KCND2: variants seen among roughly 807,000 people sequenced by gnomAD.
KCND2 encodes potassium voltage-gated channel subfamily D member 2.
Under a neutral mutation model 54.4 loss-of-function variants are expected in KCND2, and 16 were observed. The ratio of observed to expected loss-of-function variants is 0.29; its 90% confidence interval spans 0.20 to 0.45. The LOEUF is 0.45. Among genes scored for constraint, KCND2 ranks in the 20% least tolerant of loss-of-function variants. KCND2 has a pLI of 1.00. For synonymous variants in KCND2, 317 were observed against 310.7 expected (o/e 1.02, Z -0.21); for missense variants, 486 against 824.2 (o/e 0.59, Z 5.02).
intron 1 of KCND2, among the ~76,000 whole-genome samples, chr7:120,578,358 AG>A (rs1408365476): frequency 6.6e-6 from 1 of 152,154 alleles, no homozygotes; most frequent in Non-Finnish European, 1.5e-5. Flanking sequence ...TCCAGAGCAA[AG>A]AAACCCCAAC....
intron 1 of KCND2, among the ~76,000 whole-genome samples, chr7:120,323,443 C>T (rs1220769823): frequency 2.0e-5 from 3 of 150,680 alleles, no homozygotes; most frequent in Non-Finnish European, 4.4e-5. Context: ...TGCTATCCCT[C>T]CCCACTCCCC....
chr7:120,616,867 T>A (rs2116494628), intron 1 of KCND2, among the ~76,000 whole-genome samples: 1 of 152,292 alleles, frequency 6.6e-6, no homozygotes, highest in East Asian at 1.9e-4. Flanking sequence ...TTAGTTACAT[T>A]CAGTTTTCTT....
At chr7:120,283,352 A>G (rs1161457674) in intron 1 of KCND2, among the ~76,000 whole-genome samples, 1 of 152,170 alleles carries the variant, frequency 6.6e-6, no homozygotes, top group Non-Finnish European at 1.5e-5. Flanking sequence ...GAGAGTTGTG[A>G]GCATGGTAGG....
intron 1 of KCND2, among the ~76,000 whole-genome samples, chr7:120,317,617 G>A (rs949920862): frequency 3.3e-5 from 5 of 152,070 alleles, no homozygotes; most frequent in Admixed American, 1.3e-4. Flanking sequence ...TTAAGGATAG[G>A]TTTAGAATAC....
intron 1 of KCND2, among the ~76,000 whole-genome samples, chr7:120,441,032 A>G (rs1202451904): frequency 6.6e-6 from 1 of 152,038 alleles, no homozygotes; most frequent in East Asian, 1.9e-4. Context: ...GAACAATGCA[A>G]GAACACCTCA....
At chr7:120,377,752 C>T (rs759608716) in intron 1 of KCND2, among the ~76,000 whole-genome samples, 1 of 151,926 alleles carries the variant, frequency 6.6e-6, no homozygotes, top group Admixed American at 6.6e-5. Flanking sequence ...TGAATTGTTT[C>T]GTATTTCCAT....
chr7:120,716,651 A>G (rs1390115650), intron 1 of KCND2, among the ~76,000 whole-genome samples: 1 of 152,126 alleles, frequency 6.6e-6, no homozygotes, highest in East Asian at 1.9e-4. Flanking sequence ...AAACTTTTCA[A>G]TAGCCTCAAG....
intron 1 of KCND2, among the ~76,000 whole-genome samples, chr7:120,650,294 T>A (rs1442571228): frequency 1.4e-5 from 2 of 143,254 alleles, no homozygotes; most frequent in African/African-American, 5.5e-5. Flanking sequence ...GTCCCATATT[T>A]CTTGGAGGCT....
intron 1 of KCND2, among the ~76,000 whole-genome samples, chr7:120,309,806 T>C (rs892970887): frequency 6.6e-6 from 1 of 152,132 alleles, no homozygotes; most frequent in Non-Finnish European, 1.5e-5. Flanking sequence ...AAAAACTCTC[T>C]GTATACAATA....
chr7:120,313,740 G>A (rs1185966815), intron 1 of KCND2, among the ~76,000 whole-genome samples: 1 of 64,140 alleles, frequency 1.6e-5, no homozygotes, highest in Non-Finnish European at 4.5e-5. Flanking sequence ...TGTCTCCTGG[G>A]ATTTTTTTTT....
At chr7:120,496,285 G>A (rs371611664) in intron 1 of KCND2, among the ~76,000 whole-genome samples, 1 of 151,952 alleles carries the variant, frequency 6.6e-6, no homozygotes, top group Non-Finnish European at 1.5e-5. Flanking sequence ...TACTCTTTTT[G>A]TGTCTTCCTT....
intron 1 of KCND2, among the ~76,000 whole-genome samples, chr7:120,416,415 TC>T (rs1281001954): frequency 6.6e-6 from 1 of 152,184 alleles, no homozygotes; most frequent in African/African-American, 2.4e-5. Flanking sequence ...AATCACTTCT[TC>T]ATAGCAATCT....
chr7:120,733,113 T>C, intron 2 of KCND2, 48 bp downstream of exon 2: 1 of 1,590,554 alleles, frequency 6.3e-7, no homozygotes, highest in Non-Finnish European at 8.6e-7. Context: ...TCCCACTTTT[T>C]ATAATGAGCT....
intron 1 of KCND2, among the ~76,000 whole-genome samples, chr7:120,433,724 A>G (rs1801827476): frequency 6.6e-6 from 1 of 152,240 alleles, no homozygotes; most frequent in African/African-American, 2.4e-5. Context: ...TGTAGCCATG[A>G]AAAGTGTAAG....
At chr7:120,424,057 A>G (rs1436172410) in intron 1 of KCND2, among the ~76,000 whole-genome samples, 1 of 152,194 alleles carries the variant, frequency 6.6e-6, no homozygotes, top group Non-Finnish European at 1.5e-5. Context: ...GAAAATGGCT[A>G]ATTACTTTGT....
chr7:120,280,208 T>G (rs1229096379), intron 1 of KCND2, among the ~76,000 whole-genome samples: 1 of 152,068 alleles, frequency 6.6e-6, no homozygotes, highest in East Asian at 1.9e-4. Flanking sequence ...AAAATGAACT[T>G]TTAAAGAAAT....
At chr7:120,304,860 A>G (rs1006024016) in intron 1 of KCND2, among the ~76,000 whole-genome samples, 1 of 152,158 alleles carries the variant, frequency 6.6e-6, no homozygotes, top group African/African-American at 2.4e-5. Flanking sequence ...TGGGCAGGCG[A>G]TAGGAATACT....
At chr7:120,482,147 A>G (rs1802615942) in intron 1 of KCND2, among the ~76,000 whole-genome samples, 1 of 152,198 alleles carries the variant, frequency 6.6e-6, no homozygotes, top group Non-Finnish European at 1.5e-5. Context: ...TTATTTTCCA[A>G]CTGTAAGCTT....
intron 1 of KCND2, among the ~76,000 whole-genome samples, chr7:120,603,304 G>A (rs1417783601): frequency 6.6e-6 from 1 of 152,062 alleles, no homozygotes; most frequent in Admixed American, 6.5e-5. Flanking sequence ...CTAGCTTCTC[G>A]ACCTGGATAG....
Sources: gnomAD v4.1 joint callset for allele counts (sites outside exome capture counted in the v4.1 genomes callset) on GRCh38, gnomAD v4.1.1 for gene constraint, MANE v1.5 for transcripts, NCBI Gene and HGNC (gene_info 2026-07-23, HGNC 2026-07-21) for gene names.